Variants in RPS6KC1 observed in about 807,000 individuals in gnomAD.
RPS6KC1 encodes inactive ribosomal protein S6 kinase delta-1.
A neutral mutation model predicts 103.8 loss-of-function variants in RPS6KC1; 54 were observed. The ratio of observed to expected loss-of-function variants is 0.52; its 90% CI spans 0.42 to 0.65. RPS6KC1 has a LOEUF of 0.65. Among genes scored for constraint, RPS6KC1 ranks in the 30% least tolerant of loss-of-function variants. The pLI is 0.00. For synonymous variants in RPS6KC1, 439 were observed against 438.7 expected (o/e 1.00, Z -0.01); for missense variants, 1,151 against 1,253.8 (o/e 0.92, Z 1.24).
chr1:213,430,423 A>G, the RPS6KC1 span, among the ~76,000 whole-genome samples: 1 of 152,210 alleles, frequency 6.6e-6, no homozygotes, highest in Admixed American at 6.5e-5. Context: ...AGATCTCCCC[A>G]TAAGAAAAAG....
At chr1:213,091,574 G>C (rs2080970354) in intron 3 of RPS6KC1, among the ~76,000 whole-genome samples, 1 of 152,048 alleles carries the variant, frequency 6.6e-6, no homozygotes, top group African/African-American at 2.4e-5. Context: ...CCATGTATTG[G>C]TCATTTGAAA....
the RPS6KC1 span, among the ~76,000 whole-genome samples, chr1:213,452,892 A>G: frequency 6.6e-5 from 10 of 152,238 alleles, no homozygotes; most frequent in African/African-American, 1.7e-4. Flanking sequence ...TATGATTTGT[A>G]CAGGACAGAT....
chr1:213,660,006 T>C, the RPS6KC1 span, among the ~76,000 whole-genome samples: 1 of 152,206 alleles, frequency 6.6e-6, no homozygotes, highest in East Asian at 1.9e-4. Flanking sequence ...ATTCACTTTA[T>C]ACCTAGAGCC....
At position 213,166,715 on chromosome 1, in the gene RPS6KC1, G is replaced by A. The variant is rs76488591; in HGVS notation, c.836-1143G>A. Among the ~76,000 whole-genome samples the A allele has an allele frequency of 1.6e-4, 24 of 152,254 alleles. No individual in the cohort carries two copies. The East Asian group carries it at 4.6e-3, about 29-fold the overall frequency. On this transcript the variant is annotated intron_variant, in intron 6 of 14. Transcript: ENST00000366960. ...AGGTGTGAAATGAAAGTTATTTAGC[G>A]AAATTGCAATCCCAACTTTGTTGCA... is the stretch of plus-strand genomic sequence containing the variant.
chr1:213,586,563 T>C, the RPS6KC1 span, among the ~76,000 whole-genome samples: 1 of 152,364 alleles, frequency 6.6e-6, no homozygotes, highest in African/African-American at 2.4e-5. Flanking sequence ...TTGCAATTTT[T>C]AGCTGATACT....
At chr1:213,407,029 G>C in the RPS6KC1 span, among the ~76,000 whole-genome samples, 2 of 152,086 alleles carry the variant, frequency 1.3e-5, no homozygotes, top group African/African-American at 4.8e-5. Flanking sequence ...AGGTGCCTTT[G>C]CTGGCCCAGG....
At chr1:213,617,876 A>C in the RPS6KC1 span, among the ~76,000 whole-genome samples, 18 of 152,250 alleles carry the variant, frequency 1.2e-4, no homozygotes, top group African/African-American at 4.3e-4. Context: ...GTCTCCATCG[A>C]GGAGATTTAG....
the RPS6KC1 span, among the ~76,000 whole-genome samples, chr1:213,633,080 C>A: frequency 6.6e-6 from 1 of 152,184 alleles, no homozygotes; most frequent in Non-Finnish European, 1.5e-5. Flanking sequence ...GATTGGTGTA[C>A]CTGAAAGTGA....
At chr1:213,118,021 C>CAAAAAAAAAAAAAAAAAAGAAAAAAAAAA (rs2083888162) in intron 5 of RPS6KC1, among the ~76,000 whole-genome samples, 1 of 34,182 alleles carries the variant, frequency 2.9e-5, no homozygotes, top group African/African-American at 1.2e-4. Context: ...GACTTTGTCT[C>CAAAAAAAAAAAAAAAAAAGAAAAAAAAAA]AAAAAAAAAA....
At chr1:213,567,422 C>T in the RPS6KC1 span, among the ~76,000 whole-genome samples, 11 of 152,338 alleles carry the variant, frequency 7.2e-5, no homozygotes, top group African/African-American at 9.6e-5. Context: ...TAAGTCCTTA[C>T]GTGACATAAT....
At chr1:213,749,059 T>C in the RPS6KC1 span, among the ~76,000 whole-genome samples, 7,162 of 152,304 alleles carry the variant, frequency 0.047, 568 homozygotes, top group African/African-American at 0.16. Flanking sequence ...TCCCTCCTCC[T>C]CTTCCTGGGA....
chr1:213,183,818 GA>G (rs1441623724), intron 8 of RPS6KC1, among the ~76,000 whole-genome samples: 4 of 151,988 alleles, frequency 2.6e-5, no homozygotes, highest in African/African-American at 7.2e-5. Context: ...AAAAACCGTA[GA>G]CAAAAATTTT....
At chr1:213,433,248 A>T in the RPS6KC1 span, among the ~76,000 whole-genome samples, 1 of 152,174 alleles carries the variant, frequency 6.6e-6, no homozygotes, top group African/African-American at 2.4e-5. Flanking sequence ...TCTCTCTCTG[A>T]CCACAGCTGG....
chr1:213,271,265 G>A (rs2095040833), intron 14 of RPS6KC1, among the ~76,000 whole-genome samples: 1 of 152,166 alleles, frequency 6.6e-6, no homozygotes, highest in Admixed American at 6.5e-5. Context: ...GTTGATACCT[G>A]CTACAGTGTG....
At chr1:213,163,259 G>A (rs553255022) in intron 6 of RPS6KC1, among the ~76,000 whole-genome samples, 16 of 152,304 alleles carry the variant, frequency 1.1e-4, no homozygotes, top group African/African-American at 3.4e-4. Context: ...AGTTTGATTT[G>A]GATGTTCTTT....
chr1:213,164,326 A>G (rs1183464604), intron 6 of RPS6KC1, among the ~76,000 whole-genome samples: 1 of 152,220 alleles, frequency 6.6e-6, no homozygotes, highest in Non-Finnish European at 1.5e-5. Flanking sequence ...TGAGAAACAC[A>G]GCATGGGTAA....
Position 213,205,729 on chromosome 1 carries a change from T to G in RPS6KC1, c.1045-24768T>G, listed in dbSNP as rs570727438. 8.6e-5 allele frequency among the ~76,000 whole-genome samples: 13 copies of G among 151,668 alleles called. 1 individual carries two copies. In the South Asian group the frequency reaches 2.5e-3, roughly 29 times the overall value. ...ATAAATTATAGTTATTTTTCTTCAA[T>G]TCAATGCTTTGATATTTTATTCTGT... On this transcript the variant is annotated intron_variant, in intron 8 of 14. Transcript: ENST00000366960.
At chr1:213,217,119 A>C (rs548407404) in intron 8 of RPS6KC1, among the ~76,000 whole-genome samples, 4,172 of 151,662 alleles carry the variant, frequency 0.028, 100 homozygotes, top group Middle Eastern at 0.051. Context: ...ATTGATAGAC[A>C]GCTAGCAAGA....
downstream of RPS6KC1, among the ~76,000 whole-genome samples, chr1:213,276,042 C>G (rs1301581704): frequency 6.6e-6 from 1 of 152,132 alleles, no homozygotes; most frequent in African/African-American, 2.4e-5. Context: ...CAGTGTGAAC[C>G]AAGATTGATT....
Sources: gnomAD v4.1 joint callset for allele counts (sites outside exome capture counted in the v4.1 genomes callset) on GRCh38, gnomAD v4.1.1 for gene constraint, MANE v1.5 for transcripts, NCBI Gene and HGNC (gene_info 2026-07-23, HGNC 2026-07-21) for gene names.